Variants in PCDHA8 observed in about 807,000 individuals in gnomAD.
PCDHA8 encodes protocadherin alpha 8.
Under a neutral mutation model 61.8 loss-of-function variants are expected in PCDHA8, and 53 were observed. The observed-to-expected ratio is 0.86, with a 90% confidence interval of 0.69 to 1.08. PCDHA8 has a LOEUF of 1.08. Among genes scored for constraint, PCDHA8 ranks in the 50% least tolerant of loss-of-function variants. The pLI is 0.00. For missense variants in PCDHA8, 1,293 were observed against 1,245.0 expected (o/e 1.04, Z -0.58); for synonymous variants, 618 against 556.6 (o/e 1.11, Z -1.55).
rs1162515573 is a variant in PCDHA8, at chr5:140,941,250, T to C, written c.2395-37699T>C. 3.6e-5 allele frequency among the ~76,000 whole-genome samples: 5 copies of C among 139,366 alleles called. No homozygotes were observed. In the East Asian group the frequency reaches 1.0e-3, roughly 29 times the overall value. 91.4% of individuals were successfully genotyped at this position (139,366 alleles called of 152,430 possible). A position where few individuals can be genotyped will look rare whatever the true frequency, so the allele number is the denominator to read the frequency against. ...TTCTTTCTTTCTTTCTTTCTTTCTT[T>C]CTTTCTCTTTCTTTCTTTCTTTCCT... is the stretch of plus-strand genomic sequence containing the variant. On this transcript the variant is annotated intron_variant, in intron 1 of 3. Coordinates refer to ENST00000531613, the MANE Select transcript of PCDHA8 (RefSeq NM_018911.3).
At chr5:140,989,171 G>A (rs2097331816) in intron 3 of PCDHA8, among the ~76,000 whole-genome samples, 1 of 152,116 alleles carries the variant, frequency 6.6e-6, no homozygotes, top group African/African-American at 2.4e-5. Flanking sequence ...GCATAAAACA[G>A]GAGAGTTTCT....
chr5:140,928,697 G>A (rs1554206190), intron 1 of PCDHA8: 1 of 1,614,122 alleles, frequency 6.2e-7, no homozygotes, highest in Non-Finnish European at 8.5e-7. Context: ...CACATCTCCC[G>A]GGCGTCTGAC....
At chr5:140,853,004 G>T (rs914027451) in intron 1 of PCDHA8, 1 of 289,800 alleles carries the variant, frequency 3.5e-6, no homozygotes, top group Non-Finnish European at 5.4e-6. Flanking sequence ...TCAGCCTCCC[G>T]AGTAGCTGGG....
chr5:140,877,590 G>A (rs996962116), intron 1 of PCDHA8: 20 of 1,613,708 alleles, frequency 1.2e-5, no homozygotes, highest in Admixed American at 1.7e-5. Flanking sequence ...CCATCTGTGC[G>A]GTGTCCAGCC....
chr5:140,843,319 G>A lies in PCDHA8; in HGVS notation c.1998G>A (p.Leu666=), dbSNP rs1554139952. The change falls in exon 1 of 4, where the codon CTG becomes CTA. Residue 666 remains leucine, a synonymous_variant. Coordinates refer to ENST00000531613, the MANE Select transcript of PCDHA8 (RefSeq NM_018911.3). The part of the protein sequence containing the change: ...EPALTATATV[L]VSLVESGQAP... The stretch of plus-strand genomic sequence containing the variant: ...CGCTGACCGCCACGGCCACGGTTCT[G>A]GTGTCGCTGGTGGAGAGCGGCCAGG... The A allele has an allele frequency of 5.6e-6, 9 of 1,595,928 alleles. 2 individuals carry two copies. In the African/African-American group the frequency reaches 1.2e-4, roughly 21 times the overall value.
intron 1 of PCDHA8, among the ~76,000 whole-genome samples, chr5:140,971,377 T>C (rs2096474353): frequency 6.6e-6 from 1 of 152,210 alleles, no homozygotes; most frequent in African/African-American, 2.4e-5. Flanking sequence ...AGTGCATGAC[T>C]TTAATAAAGG....
intron 1 of PCDHA8, among the ~76,000 whole-genome samples, chr5:140,900,300 A>G (rs1554189024): frequency 6.6e-6 from 1 of 151,644 alleles, no homozygotes; most frequent in Non-Finnish European, 1.5e-5. Flanking sequence ...GTTTTTTTAG[A>G]CAGTCTCACT....
intron 1 of PCDHA8, among the ~76,000 whole-genome samples, chr5:140,902,447 G>A (rs1004773008): frequency 2.6e-5 from 4 of 152,024 alleles, no homozygotes; most frequent in Non-Finnish European, 4.4e-5. Flanking sequence ...TCATATTCTA[G>A]ATCCTAGAGA....
intron 1 of PCDHA8, among the ~76,000 whole-genome samples, chr5:140,937,309 T>G (rs1210222120): frequency 6.6e-6 from 1 of 152,102 alleles, no homozygotes; most frequent in African/African-American, 2.4e-5. Flanking sequence ...AGTGCTGGGA[T>G]TACAGGCGTG....
intron 1 of PCDHA8, chr5:140,848,493 G>A (rs2150411274): frequency 7.0e-6 from 11 of 1,576,596 alleles, no homozygotes; most frequent in Middle Eastern, 3.4e-4. Context: ...CTGAGTATTT[G>A]AAATGTTATA....
chr5:140,967,391 C>T, intron 1 of PCDHA8: 1 of 1,609,676 alleles, frequency 6.2e-7, no homozygotes, highest in South Asian at 1.1e-5. Flanking sequence ...AGTGCTTGAG[C>T]TGGTGCTGCG....
intron 1 of PCDHA8, among the ~76,000 whole-genome samples, chr5:140,924,901 A>AAAT (rs1554202313): frequency 5.5e-4 from 44 of 80,500 alleles, no homozygotes; most frequent in Non-Finnish European, 9.1e-4. Flanking sequence ...TCTCAAAAAA[A>AAAT]AAAATAAAAT....
At chr5:140,944,596 G>A (rs2093672992) in intron 1 of PCDHA8, among the ~76,000 whole-genome samples, 1 of 152,138 alleles carries the variant, frequency 6.6e-6, no homozygotes, top group Admixed American at 6.5e-5. Context: ...ATTTCCCTGG[G>A]TAGAGTAGTG....
At chr5:140,971,845 G>C (rs370364575) in intron 1 of PCDHA8, among the ~76,000 whole-genome samples, 1 of 151,934 alleles carries the variant, frequency 6.6e-6, no homozygotes, top group Non-Finnish European at 1.5e-5. Flanking sequence ...CAAGTCATGC[G>C]TTAAATATTT....
chr5:140,906,761 A>G (rs896512633), intron 1 of PCDHA8, among the ~76,000 whole-genome samples: 2 of 152,204 alleles, frequency 1.3e-5, no homozygotes, highest in Non-Finnish European at 2.9e-5. Flanking sequence ...GGTAATACTA[A>G]GAGACACCCT....
At position 141,010,147 on chromosome 5, in the gene PCDHA8, C is replaced by A; in HGVS notation, c.*210C>A. ...AAGTCTGGTGTTAACTCTTTCTCTC[C>A]ACTCTGGCTTGTTTTCAGAACCTAA... On this transcript the variant is annotated 3_prime_UTR_variant, in exon 4 of 4. Coordinates refer to ENST00000531613, the MANE Select transcript of PCDHA8 (RefSeq NM_018911.3). 1 of 1,583,190 alleles carries A rather than the reference C, an allele frequency of 6.3e-7. No individual in the cohort carries two copies. Among genetic ancestry groups the A allele is most frequent in the Non-Finnish European group, 8.6e-7 (1 of 1,163,606 alleles).
intron 1 of PCDHA8, among the ~76,000 whole-genome samples, chr5:140,957,899 A>G (rs551066654): frequency 3.0e-4 from 46 of 152,226 alleles, no homozygotes; most frequent in African/African-American, 1.1e-3. Flanking sequence ...GCATCAACCA[A>G]GGCATATTGT....
chr5:140,979,391 T>C (rs1298274291), intron 2 of PCDHA8, among the ~76,000 whole-genome samples: 1 of 152,202 alleles, frequency 6.6e-6, no homozygotes, highest in Non-Finnish European at 1.5e-5. Context: ...AATGTATACA[T>C]ACATGTTGTC....
chr5:140,843,324 C>T lies in PCDHA8; in HGVS notation c.2003C>T (p.Ser668Leu). Residue 668 changes from serine to leucine, a missense_variant, in exon 1 of 4, where the codon TCG becomes TTG. Coordinates refer to ENST00000531613, the MANE Select transcript of PCDHA8 (RefSeq NM_018911.3). ...ALTATATVLV[S>L]LVESGQAPKA... ...ACCGCCACGGCCACGGTTCTGGTGT[C>T]GCTGGTGGAGAGCGGCCAGGCTCCA... 6.3e-7 allele frequency: 1 copy of T among 1,596,010 alleles called. No individual in the cohort carries two copies. Among genetic ancestry groups the T allele is most frequent in the Non-Finnish European group, 8.6e-7 (1 of 1,165,564 alleles).
Sources: gnomAD v4.1 joint callset for allele counts (sites outside exome capture counted in the v4.1 genomes callset) on GRCh38, gnomAD v4.1.1 for gene constraint, MANE v1.5 for transcripts, NCBI Gene and HGNC (gene_info 2026-07-23, HGNC 2026-07-21) for gene names.